Variants in SLC34A2 observed in about 807,000 individuals in gnomAD.
SLC34A2 encodes the protein sodium-dependent phosphate transport protein 2B.
SLC34A2 carries 41 observed loss-of-function variants against 50.8 expected under a neutral mutation model. That is an observed-to-expected ratio of 0.81 (90% CI 0.63 to 1.05). The LOEUF (loss-of-function observed/expected upper bound fraction) is 1.05. Among genes scored for constraint, SLC34A2 ranks in the 50% least tolerant of loss-of-function variants. The pLI is 0.00. For missense variants in SLC34A2, 879 were observed against 876.7 expected (o/e 1.00, Z -0.03); for synonymous variants, 401 against 364.2 (o/e 1.10, Z -1.15).
intron 5 of SLC34A2, 115 bp downstream of exon 5, chr4:25,666,386 G>T: frequency 1.7e-6 from 2 of 1,195,310 alleles, no homozygotes; most frequent in Non-Finnish European, 2.3e-6. Context: ...TGCCACCATT[G>T]TCTTGGTATC....
Position 25,662,606 on chromosome 4 carries a change from A to T in SLC34A2, c.106A>T (p.Asn36Tyr). 6.2e-7 allele frequency: 1 copy of T among 1,614,066 alleles called. No homozygotes were observed. The highest frequency in any genetic ancestry group is 8.5e-7 in the Non-Finnish European group (1 of 1,180,006). The change falls in exon 2 of 13, where the codon AAC becomes TAC. Residue 36 changes from asparagine to tyrosine, a missense_variant. Asn to Tyr is a moderately radical substitution (Grantham distance 143). Transcript: ENST00000382051. ...TGCCCCTGATAAAAGCAAAGAGACC[A>T]ACAAAAGTAAGTGTCGCTCGTTTGT... Reference protein sequence around the residue: ...PTAPDKSKETNKTDNTEAPVT... With the variant: ...PTAPDKSKETYKTDNTEAPVT...
At chr4:25,663,155 C>T (rs923690825) in intron 3 of SLC34A2, among the ~76,000 whole-genome samples, 7 of 152,016 alleles carry the variant, frequency 4.6e-5, no homozygotes, top group Non-Finnish European at 1.0e-4. Context: ...GGGGTTTCAC[C>T]ATGTTGGCCA....
intron 10 of SLC34A2, 47 bp from the exon 11 acceptor site, chr4:25,674,249 A>G (rs553843582): frequency 2.6e-5 from 39 of 1,496,312 alleles, no homozygotes; most frequent in Middle Eastern, 3.4e-4. Context: ...CCACCAGGCC[A>G]TACCTTCCCC....
intron 1 of SLC34A2, among the ~76,000 whole-genome samples, chr4:25,661,874 CTT>C (rs796086178): frequency 2.0e-3 from 276 of 138,400 alleles, no homozygotes; most frequent in African/African-American, 6.7e-3. Context: ...CTGCCTTTTT[CTT>C]TTTTTTTTTT....
intron 1 of SLC34A2, among the ~76,000 whole-genome samples, chr4:25,658,497 G>T (rs910308649): frequency 6.6e-6 from 1 of 152,322 alleles, no homozygotes; most frequent in South Asian, 2.1e-4. Flanking sequence ...TAGGGGTTGG[G>T]TGACTGCCAG....
In SLC34A2 at chr4:25,674,597, A is replaced by C; in HGVS notation, c.1426A>C (p.Ser476Arg). ...TTTAILAALA[S>R]PGNALRSSLQ... ...CACCGCCATCCTGGCCGCCTTAGCC[A>C]GCCCTGGCAATGCATTGAGGAGTTC... The change falls in exon 12 of 13, where the codon AGC (serine) becomes CGC (arginine). Residue 476 changes from serine to arginine, a missense_variant. Coordinates refer to ENST00000382051, the MANE Select transcript of SLC34A2 (RefSeq NM_006424.3). 6.2e-7 allele frequency: 1 copy of C among 1,614,224 alleles called. No individual in the cohort carries two copies. The highest frequency in any genetic ancestry group is 8.5e-7 in the Non-Finnish European group (1 of 1,180,030).
chr4:25,664,349 G>A lies in SLC34A2; in HGVS notation c.379+19G>A. On this transcript the variant is annotated intron_variant, in intron 4 of 12. Transcript: ENST00000382051. ...GTTGGAGGTAAGAATGAAAGGGTGA[G>A]AGGTCTGCGGGTGAGGGGCATTATC... 6.2e-7 allele frequency: 1 copy of A among 1,614,018 alleles called. No homozygotes were observed. Among genetic ancestry groups the A allele is most frequent in the South Asian group, 1.1e-5 (1 of 91,074 alleles).
At chr4:25,672,794 C>T (rs1275875642) in intron 9 of SLC34A2, among the ~76,000 whole-genome samples, 1 of 152,120 alleles carries the variant, frequency 6.6e-6, no homozygotes, top group Non-Finnish European at 1.5e-5. Flanking sequence ...CCATCGACAG[C>T]ATGGTCTTTA....
At position 25,674,550 on chromosome 4, in the gene SLC34A2, G is replaced by A; in HGVS notation, c.1379G>A (p.Gly460Asp). The change falls in exon 12 of 13, where the codon GGC becomes GAC. Residue 460 changes from glycine (G) to aspartate (D), a missense_variant. Transcript: ENST00000382051. ...GAGAGGGCTTATCCACTCACGCTGG[G>A]CTCCAACATCGGCACCACCACCACC... Reference protein sequence around the residue: ...TIERAYPLTLGSNIGTTTTAI... With the variant: ...TIERAYPLTLDSNIGTTTTAI... The A allele has an allele frequency of 6.2e-7, 1 of 1,614,174 alleles. No individual in the cohort carries two copies. Among genetic ancestry groups the A allele is most frequent in the Non-Finnish European group, 8.5e-7 (1 of 1,180,044 alleles).
At position 25,671,697 on chromosome 4, in the gene SLC34A2, A is replaced by T. The variant is rs149375438; in HGVS notation, c.1024A>T (p.Thr342Ser). ...CCAAAACTGGACCATGAAGAATGTG[A>T]CCTACAAGGAGAACATCGCCAAATG... is the stretch of plus-strand genomic sequence containing the variant. Reference protein sequence around the residue: ...GIQNWTMKNVTYKENIAKCQH... With the variant: ...GIQNWTMKNVSYKENIAKCQH... The change falls in exon 9 of 13, where the codon ACC becomes TCC. Residue 342 changes from threonine to serine, a missense_variant. Transcript: ENST00000382051. 55 of 1,614,166 alleles carry T rather than the reference A, an allele frequency of 3.4e-5. No individual in the cohort carries two copies. In the African/African-American group the frequency reaches 6.0e-4, roughly 18 times the overall value.
chr4:25,674,665 A>T, intron 12 of SLC34A2, 36 bp downstream of exon 12: 1 of 1,613,306 alleles, frequency 6.2e-7, no homozygotes, highest in South Asian at 1.1e-5. Flanking sequence ...GGGCCCTGGG[A>T]GTGGGACCAC....
At chr4:25,674,976 A>AAT (rs1715034545) in intron 12 of SLC34A2, among the ~76,000 whole-genome samples, 2 of 152,330 alleles carry the variant, frequency 1.3e-5, no homozygotes, top group Non-Finnish European at 2.9e-5. Context: ...ACTCCTTGGC[A>AAT]TGGACCATCT....
At chr4:25,672,957 G>GC (rs1412266270) in intron 9 of SLC34A2, 130 bp from the exon 10 acceptor site, 4 of 953,492 alleles carry the variant, frequency 4.2e-6, no homozygotes, top group Admixed American at 3.5e-5. Context: ...GTCTTGATTT[G>GC]GGGCTGCCAT....
chr4:25,670,731 T>C lies in SLC34A2; in HGVS notation c.832-7T>C, dbSNP rs1714767404. The C allele has an allele frequency of 6.2e-7, 1 of 1,611,432 alleles. No individual in the cohort carries two copies. The highest frequency in any genetic ancestry group is 8.5e-7 in the Non-Finnish European group (1 of 1,177,940). ...TGCTGATGGTTTCCTGTCTACTGTT[T>C]CCACAGCTGGATAAAAAAGTTATCA... On this transcript the variant is annotated splice_region_variant and splice_polypyrimidine_tract_variant and intron_variant, in intron 7 of 12. Coordinates refer to ENST00000382051, the MANE Select transcript of SLC34A2 (RefSeq NM_006424.3).
rs16877408 is a variant in SLC34A2 at position 25,669,886 on chromosome 4, C to T, written c.831+44C>T. 8.4e-4 allele frequency: 1,243 copies of T among 1,485,632 alleles called. 10 individuals are homozygous for T. The African/African-American group carries it at 0.015, about 18-fold the overall frequency. The allele number at this position is 1,485,632 out of a possible 1,614,324, so 92.0% of individuals were successfully genotyped here. A position where few individuals can be genotyped will look rare whatever the true frequency, so the allele number is the denominator to read the frequency against. On this transcript the variant is annotated intron_variant, in intron 7 of 12. Coordinates refer to ENST00000382051, the MANE Select transcript of SLC34A2 (RefSeq NM_006424.3). The stretch of plus-strand genomic sequence containing the variant: ...AGAGAGAAGGAGACTAACTTCCTAC[C>T]CACAACATCCCCTACCTGAGCTGAC...
In SLC34A2 at chr4:25,678,743, C is replaced by A. The variant is rs1427352036; in HGVS notation, c.*1994C>A. 1.9e-6 allele frequency: 1 copy of A among 524,804 alleles called. No homozygotes were observed. The highest frequency in any genetic ancestry group is 1.9e-5 in the African/African-American group (1 of 51,730). The allele number at this position is 524,804 out of a possible 1,614,324, so 32.5% of individuals were successfully genotyped here. On this transcript the variant is annotated 3_prime_UTR_variant, in exon 13 of 13. Transcript: ENST00000382051. ...GAAGGGAGAAATAAAATCATCAAAC[C>A]CAAAAGGAGTGTGTTGTTTTTAATT...
At chr4:25,666,316 C>T (rs753127289) in intron 5 of SLC34A2, 45 bp downstream of exon 5, 1 of 1,608,442 alleles carries the variant, frequency 6.2e-7, no homozygotes, top group Non-Finnish European at 8.5e-7. Flanking sequence ...CAGACACTCT[C>T]CTGTCTATCT....
chr4:25,662,530 C>G lies in SLC34A2; in HGVS notation c.30C>G (p.Ala10=), dbSNP rs773028033. The change falls in exon 2 of 13, where the codon GCC becomes GCG. Residue 10 remains alanine (A), a synonymous_variant. Coordinates refer to ENST00000382051, the MANE Select transcript of SLC34A2 (RefSeq NM_006424.3). The part of the protein sequence containing the change: MAPWPELGD[A]QPNPDKYLEG... ...CTCCCTGGCCTGAATTGGGAGATGCCCAGCCCAACCCCGATAAGTACCTCG... is the reference window on the plus strand; with the variant it reads ...CTCCCTGGCCTGAATTGGGAGATGCGCAGCCCAACCCCGATAAGTACCTCG... 5 of 1,614,074 alleles carry G rather than the reference C, an allele frequency of 3.1e-6. No homozygotes were observed. Among genetic ancestry groups the G allele is most frequent in the Non-Finnish European group, 3.4e-6 (4 of 1,180,024 alleles).
chr4:25,670,992 A>G (rs1714785145), intron 8 of SLC34A2, among the ~76,000 whole-genome samples, 159 bp downstream of exon 8: 1 of 152,246 alleles, frequency 6.6e-6, no homozygotes, highest in South Asian at 2.1e-4. Context: ...TTTAGAAAAC[A>G]AGTCCTTGAA....
Sources: gnomAD v4.1 joint callset for allele counts (sites outside exome capture counted in the v4.1 genomes callset) on GRCh38, gnomAD v4.1.1 for gene constraint, MANE v1.5 for transcripts, NCBI Gene and HGNC (gene_info 2026-07-23, HGNC 2026-07-21) for gene names.